ANAPC10: variants seen among roughly 807,000 people sequenced by gnomAD.
ANAPC10 encodes the protein anaphase promoting complex subunit 10, also known as anaphase-promoting complex subunit 10.
Under a neutral mutation model 22.0 loss-of-function variants are expected in ANAPC10, and 12 were observed. That is an observed-to-expected ratio of 0.55 (90% CI 0.35 to 0.88). The LOEUF (loss-of-function observed/expected upper bound fraction) is 0.88, where lower values mean the gene tolerates loss of function less well. Ranked by LOEUF, ANAPC10 falls within the 40% of genes least tolerant of loss-of-function variation. The pLI is 0.01. For missense variants in ANAPC10, 188 were observed against 220.9 expected, an observed-to-expected ratio of 0.85 and a Z score of 0.94; for synonymous variants, 65 against 69.5, an observed-to-expected ratio of 0.94 and a Z score of 0.32.
intron 4 of ANAPC10, among the ~76,000 whole-genome samples, chr4:144,996,118 G>C (rs1169015140): frequency 6.6e-6 from 1 of 152,164 alleles, no homozygotes; most frequent in African/African-American, 2.4e-5. Context: ...GCCCAGGCAG[G>C]GAACTCACTC....
At chr4:145,044,389 C>CA (rs1194125913) in intron 4 of ANAPC10, among the ~76,000 whole-genome samples, 3 of 151,910 alleles carry the variant, frequency 2.0e-5, no homozygotes, top group African/African-American at 2.4e-5. Flanking sequence ...AAAATCATTT[C>CA]AAAAAATGTG....
At chr4:145,075,089 G>A (rs1241328827) in intron 3 of ANAPC10, among the ~76,000 whole-genome samples, 1 of 151,978 alleles carries the variant, frequency 6.6e-6, no homozygotes, top group African/African-American at 2.4e-5. Context: ...AGGGGAAGCC[G>A]ACATGGAATA....
At chr4:145,093,549 A>G (rs1468063386) in intron 2 of ANAPC10, among the ~76,000 whole-genome samples, 4 of 151,982 alleles carry the variant, frequency 2.6e-5, no homozygotes, top group African/African-American at 9.7e-5. Context: ...AAATAACTAT[A>G]ACTATGAGTA....
intron 4 of ANAPC10, among the ~76,000 whole-genome samples, chr4:145,019,239 T>C (rs1486972296): frequency 6.6e-6 from 1 of 152,168 alleles, no homozygotes; most frequent in Non-Finnish European, 1.5e-5. Context: ...ACTGAAATTA[T>C]ATCAAGGACT....
At chr4:145,012,442 A>G (rs1008551690) in intron 4 of ANAPC10, among the ~76,000 whole-genome samples, 5 of 152,000 alleles carry the variant, frequency 3.3e-5, no homozygotes, top group South Asian at 2.1e-4. Context: ...GAAAAAATAA[A>G]GAATTTCATC....
At chr4:145,057,952 C>T (rs1482423489) in intron 4 of ANAPC10, among the ~76,000 whole-genome samples, 1 of 152,076 alleles carries the variant, frequency 6.6e-6, no homozygotes, top group Non-Finnish European at 1.5e-5. Context: ...GTAATTTTTA[C>T]CTGGCTAATA....
chr4:145,063,488 C>A (rs1305083038), intron 4 of ANAPC10, among the ~76,000 whole-genome samples: 2 of 152,048 alleles, frequency 1.3e-5, no homozygotes, highest in South Asian at 2.1e-4. Flanking sequence ...TTTAGAGACA[C>A]GGTCTTAATA....
chr4:145,034,553 G>A (rs1472346446), intron 4 of ANAPC10, among the ~76,000 whole-genome samples: 217 of 116,020 alleles, frequency 1.9e-3, no homozygotes, highest in East Asian at 5.4e-3. Flanking sequence ...ATGTGTGTGT[G>A]TGTGTGTGTG....
intron 4 of ANAPC10, among the ~76,000 whole-genome samples, chr4:145,054,511 C>T (rs1741641196): frequency 1.3e-5 from 2 of 148,636 alleles, no homozygotes; most frequent in Non-Finnish European, 1.5e-5. Context: ...TGAGCGAGAT[C>T]GCGCCACTGC....
intron 4 of ANAPC10, among the ~76,000 whole-genome samples, chr4:145,062,830 A>C (rs1743106559): frequency 6.6e-6 from 1 of 152,206 alleles, no homozygotes; most frequent in Admixed American, 6.5e-5. Context: ...AATATTATAC[A>C]GCCCTAAAGA....
intron 4 of ANAPC10, among the ~76,000 whole-genome samples, chr4:144,998,228 G>A (rs1287153473): frequency 6.6e-6 from 1 of 152,134 alleles, no homozygotes; most frequent in African/African-American, 2.4e-5. Context: ...GCACCAAGCG[G>A]ACCTAATAGA....
chr4:145,021,021 A>G (rs540694737), intron 4 of ANAPC10, among the ~76,000 whole-genome samples: 1 of 151,934 alleles, frequency 6.6e-6, no homozygotes, highest in Admixed American at 6.6e-5. Flanking sequence ...TGACCATACC[A>G]CCAAAAGCAA....
rs1266370537 is a variant in ANAPC10, at chr4:145,051,198, A to AT, written c.327+13373dup. On this transcript the variant is annotated intron_variant, in intron 4 of 4. Coordinates refer to ENST00000507656, the MANE Select transcript of ANAPC10 (RefSeq NM_001256706.2). ...TAGGTTATTAACTGGCCTAATTTCA[A>AT]TATTGTTGTGTCTCAGGGAACAGGA... Among the ~76,000 whole-genome samples the AT allele has an allele frequency of 3.9e-5, 6 of 152,146 alleles. No homozygotes were observed. In the East Asian group the frequency reaches 1.2e-3, roughly 29 times the overall value.
intron 4 of ANAPC10, among the ~76,000 whole-genome samples, chr4:145,021,289 T>C (rs1380825858): frequency 1.3e-5 from 2 of 152,034 alleles, no homozygotes; most frequent in South Asian, 2.1e-4. Context: ...TATAAGGACA[T>C]AGTCACCAAA....
chr4:145,092,313 GAACTTA>G (rs1747796107), intron 2 of ANAPC10, among the ~76,000 whole-genome samples: 2 of 151,988 alleles, frequency 1.3e-5, no homozygotes, highest in Admixed American at 6.6e-5. Flanking sequence ...ATGTACCCCA[GAACTTA>G]AACTTAAAAT....
In ANAPC10 at chr4:145,072,980, T is replaced by C. The variant is rs117265270; in HGVS notation, c.207-8288A>G. Among the ~76,000 whole-genome samples, 331 of 152,032 alleles carry C rather than the reference T, an allele frequency of 2.2e-3. 2 individuals carry two copies. Among genetic ancestry groups the C allele is most frequent in the Non-Finnish European group, 3.8e-3 (258 of 67,962 alleles). On this transcript the variant is annotated intron_variant, in intron 3 of 4. Coordinates refer to ENST00000507656, the MANE Select transcript of ANAPC10 (RefSeq NM_001256706.2). ...TGGCATGACAATAGTTCACTGCAGC[T>C]TCAAACTCCTGGCCCAAGCGATCCA...
intron 4 of ANAPC10, among the ~76,000 whole-genome samples, chr4:145,050,715 C>T (rs1740979938): frequency 6.6e-6 from 1 of 152,228 alleles, no homozygotes; most frequent in Non-Finnish European, 1.5e-5. Flanking sequence ...ATGGCTTCTT[C>T]ACTGAAACCT....
chr4:145,037,347 A>G (rs1738735207), intron 4 of ANAPC10, among the ~76,000 whole-genome samples: 1 of 152,234 alleles, frequency 6.6e-6, no homozygotes, highest in East Asian at 1.9e-4. Context: ...TAAAAAGTAC[A>G]CTATCATTCT....
At chr4:145,097,996 T>A (rs1748851729) in intron 1 of ANAPC10, 124 bp downstream of exon 1, 1 of 170,452 alleles carries the variant, frequency 5.9e-6, no homozygotes, top group African/African-American at 2.4e-5. Flanking sequence ...TGACTAAGGC[T>A]CCACTCCTGA....
Sources: gnomAD v4.1 joint callset for allele counts (sites outside exome capture counted in the v4.1 genomes callset) on GRCh38, gnomAD v4.1.1 for gene constraint, MANE v1.5 for transcripts, NCBI Gene and HGNC (gene_info 2026-07-23, HGNC 2026-07-21) for gene names.